The following TSHZ1 variants were observed in gnomAD, a reference collection of about 807,000 sequenced individuals.
The protein encoded by TSHZ1 is teashirt zinc finger homeobox 1, also known as teashirt homolog 1.
A neutral mutation model predicts 67.1 loss-of-function variants in TSHZ1; 12 were observed. That is an observed-to-expected ratio of 0.18 (90% CI 0.11 to 0.29). The LOEUF is 0.29. Among genes scored for constraint, TSHZ1 ranks in the 10% least tolerant of loss-of-function variants. TSHZ1 has a pLI of 1.00. For missense variants in TSHZ1, 1,305 were observed against 1,413.9 expected (o/e 0.92, Z 1.23); for synonymous variants, 632 against 622.4 (o/e 1.02, Z -0.23).
At chr18:75,259,243 A>G (rs2023400708) in intron 1 of TSHZ1, among the ~76,000 whole-genome samples, 1 of 152,252 alleles carries the variant, frequency 6.6e-6, no homozygotes, top group South Asian at 2.1e-4. Context: ...TTCATGCTGC[A>G]GACTCTCCAA....
At chr18:75,279,656 G>A (rs947203259) in intron 1 of TSHZ1, among the ~76,000 whole-genome samples, 12 of 152,214 alleles carry the variant, frequency 7.9e-5, no homozygotes, top group Non-Finnish European at 1.6e-4. Flanking sequence ...CTGGCAGTGC[G>A]GGGCAGGAGC....
chr18:75,250,247 C>T (rs1329056005), intron 1 of TSHZ1, among the ~76,000 whole-genome samples: 1 of 152,154 alleles, frequency 6.6e-6, no homozygotes, highest in Non-Finnish European at 1.5e-5. Context: ...CTGGCTGGCC[C>T]TGCCAGGCTC....
rs557457005 is a variant in TSHZ1 at position 75,255,302 on chromosome 18, A to G, written c.41-30146A>G. Reference sequence around the variant, plus strand: ...TCTAGTTTTTCATTTTCACACCTCCATGGAGGTGGTATGCTGCTCTTCCAT... The same window carrying G: ...TCTAGTTTTTCATTTTCACACCTCCGTGGAGGTGGTATGCTGCTCTTCCAT... On this transcript the variant is annotated intron_variant, in intron 1 of 1. Transcript: ENST00000580243. Among the ~76,000 whole-genome samples the G allele has an allele frequency of 2.6e-5, 4 of 152,200 alleles. No homozygotes were observed. In the South Asian group the frequency reaches 6.2e-4, roughly 24 times the overall value.
At position 75,286,349 on chromosome 18, in the gene TSHZ1, C is replaced by T. The variant is rs761972015; in HGVS notation, c.942C>T (p.His314=). 6.2e-7 allele frequency: 1 copy of T among 1,614,030 alleles called. No homozygotes were observed. The change falls in exon 2 of 2, where the codon CAC becomes CAT. Residue 314 remains histidine (H), a synonymous_variant. Transcript: ENST00000580243. This position sits in a 1 kb window ranked among gnomAD's most constrained non-coding sequence, Gnocchi z 5.1. ...QKVLKCMYCG[H]SFESLQDLSV... is the part of the protein sequence containing the mutation. ...TGCTGAAGTGCATGTACTGTGGACACTCCTTTGAGTCCTTGCAGGACCTCA... is the reference window on the plus strand; with the variant it reads ...TGCTGAAGTGCATGTACTGTGGACATTCCTTTGAGTCCTTGCAGGACCTCA...
chr18:75,231,567 G>A (rs1407470966), intron 1 of TSHZ1, among the ~76,000 whole-genome samples: 3 of 151,996 alleles, frequency 2.0e-5, no homozygotes, highest in South Asian at 2.1e-4. Flanking sequence ...ACAGAGTCTC[G>A]CTCTGTCCCC....
At chr18:75,227,012 G>C (rs185184038) in intron 1 of TSHZ1, among the ~76,000 whole-genome samples, 1,674 of 152,242 alleles carry the variant, frequency 0.011, 18 homozygotes, top group Non-Finnish European at 0.018. Flanking sequence ...ACAAGCCCCC[G>C]GCTCTGTAGG....
At chr18:75,222,737 T>G (rs79026389) in intron 1 of TSHZ1, among the ~76,000 whole-genome samples, 5 of 152,208 alleles carry the variant, frequency 3.3e-5, no homozygotes, top group African/African-American at 1.2e-4. Context: ...CACCCCCCTA[T>G]TTTTTGTGGA....
At chr18:75,247,327 AG>A (rs972888285) in intron 1 of TSHZ1, among the ~76,000 whole-genome samples, 15 of 152,124 alleles carry the variant, frequency 9.9e-5, no homozygotes, top group East Asian at 7.7e-4. Context: ...TGCTCCTGCC[AG>A]GGGGGGCTGT....
chr18:75,257,490 T>G (rs576056438), intron 1 of TSHZ1, among the ~76,000 whole-genome samples: 5 of 152,352 alleles, frequency 3.3e-5, no homozygotes, highest in East Asian at 3.9e-4. Context: ...AATACAACTT[T>G]CTGTGAGAAA....
At position 75,285,865 on chromosome 18, in the gene TSHZ1, G is replaced by T; in HGVS notation, c.458G>T (p.Ser153Ile). 6.2e-7 allele frequency: 1 copy of T among 1,602,616 alleles called. No homozygotes were observed. Residue 153 changes from serine (S) to isoleucine (I), a missense_variant, in exon 2 of 2, where the codon AGC (serine) becomes ATC (isoleucine). Ser to Ile is a moderately radical substitution (Grantham distance 142). Coordinates refer to ENST00000580243, the MANE Select transcript of TSHZ1 (RefSeq NM_001308210.2). ...ACCAACGATGCCAGCCAGAAGGAGA[G>T]CTCCGCCCCCACCCCCACACCCCCC... ...TSTNDASQKE[S>I]SAPTPTPPTC...
intron 1 of TSHZ1, among the ~76,000 whole-genome samples, chr18:75,215,954 A>C (rs1036562001): frequency 7.2e-6 from 1 of 139,548 alleles, no homozygotes; most frequent in Admixed American, 7.0e-5. Context: ...TACTCTGTGT[A>C]TGTGTGTCTG....
chr18:75,215,264 T>C (rs555090144), intron 1 of TSHZ1, among the ~76,000 whole-genome samples: 15 of 152,326 alleles, frequency 9.8e-5, no homozygotes, highest in South Asian at 6.2e-4. Context: ...TACCAGAGAA[T>C]GTCGCTGGCT....
At chr18:75,280,629 A>G in intron 1 of TSHZ1, 2 of 452,308 alleles carry the variant, frequency 4.4e-6, no homozygotes, top group Non-Finnish European at 5.8e-6. Context: ...ACTTTGGGGA[A>G]GTCGGTCAAC....
At chr18:75,243,530 G>A (rs1449903057) in intron 1 of TSHZ1, among the ~76,000 whole-genome samples, 1 of 152,180 alleles carries the variant, frequency 6.6e-6, no homozygotes, top group Non-Finnish European at 1.5e-5. Flanking sequence ...GAGGGGTGGG[G>A]AAGATGAGGA....
Position 75,286,891 on chromosome 18 carries a change from C to T in TSHZ1, c.1484C>T (p.Thr495Ile). The T allele has an allele frequency of 6.2e-7, 1 of 1,614,186 alleles. No individual in the cohort carries two copies. ...CCCGACTCTCCCGCGGGGTCCACGA[C>T]TTCTGAAGAAAAGAAAGAGCCAGAG... ...KQPDSPAGST[T>I]SEEKKEPEKE... The change falls in exon 2 of 2, where the codon ACT becomes ATT. Residue 495 changes from threonine to isoleucine, a missense_variant. By Grantham distance (89) the Thr-to-Ile change is moderately conservative. Coordinates refer to ENST00000580243, the MANE Select transcript of TSHZ1 (RefSeq NM_001308210.2). This position sits in a 1 kb window ranked among gnomAD's most constrained non-coding sequence, Gnocchi z 5.1.
chr18:75,273,306 C>G (rs1255675581), intron 1 of TSHZ1, among the ~76,000 whole-genome samples: 1 of 152,134 alleles, frequency 6.6e-6, no homozygotes, highest in Non-Finnish European at 1.5e-5. Context: ...AATTGGGGTA[C>G]AGATTAAGAT....
chr18:75,263,619 G>A (rs1354343800), intron 1 of TSHZ1, among the ~76,000 whole-genome samples: 1 of 151,932 alleles, frequency 6.6e-6, no homozygotes, highest in Admixed American at 6.6e-5. Context: ...TTTCATCTTG[G>A]GATTAAACCA....
chr18:75,216,810 T>A (rs2022774637), intron 1 of TSHZ1, among the ~76,000 whole-genome samples: 1 of 151,270 alleles, frequency 6.6e-6, no homozygotes, highest in South Asian at 2.1e-4. Flanking sequence ...AGGGCCTGGG[T>A]GGGAAGGAGG....
chr18:75,219,410 G>A (rs1190609678), intron 1 of TSHZ1, among the ~76,000 whole-genome samples: 2 of 152,110 alleles, frequency 1.3e-5, no homozygotes, highest in Non-Finnish European at 2.9e-5. Context: ...ATAATTTTTG[G>A]GACAGCAGTT....
Sources: gnomAD v4.1 joint callset for allele counts (sites outside exome capture counted in the v4.1 genomes callset) on GRCh38, gnomAD v4.1.1 for gene constraint, Gnocchi (gnomAD v3.1) non-coding constraint, MANE v1.5 for transcripts, NCBI Gene and HGNC (gene_info 2026-07-23, HGNC 2026-07-21) for gene names.